The following VSTM4 variants were observed in gnomAD, a reference collection of about 807,000 sequenced individuals.
The protein encoded by VSTM4 is V-set and transmembrane domain-containing protein 4.
A neutral mutation model predicts 36.4 loss-of-function variants in VSTM4; 20 were observed. The observed-to-expected ratio is 0.55, with a 90% confidence interval of 0.39 to 0.80. VSTM4 has a LOEUF of 0.80. Among genes scored for constraint, VSTM4 ranks in the 30% least tolerant of loss-of-function variants. The pLI is 0.00. For missense variants in VSTM4, 392 were observed against 404.5 expected, an observed-to-expected ratio of 0.97 and a Z score of 0.26; for synonymous variants, 182 against 173.9, an observed-to-expected ratio of 1.05 and a Z score of -0.37.
intron 4 of VSTM4, among the ~76,000 whole-genome samples, chr10:49,075,207 T>A (rs1269607850): frequency 6.6e-6 from 1 of 152,246 alleles, no homozygotes; most frequent in Non-Finnish European, 1.5e-5. Flanking sequence ...CTTGCACATG[T>A]CCCAGTCTGC....
In VSTM4 at chr10:49,042,108, T is replaced by C. The variant is rs530376536; in HGVS notation, c.837+4875A>G. 2.6e-4 allele frequency among the ~76,000 whole-genome samples: 39 copies of C among 152,296 alleles called. No individual in the cohort carries two copies. The South Asian group carries it at 8.1e-3, about 32-fold the overall frequency. ...CAGATGTGCAGTGCTGCACACAGTC[T>C]AGAGGACAGTGAACTCAGCCTGTCT... On this transcript the variant is annotated intron_variant, in intron 7 of 7. Transcript: ENST00000332853.
At chr10:49,094,588 G>T (rs1193042947) in intron 2 of VSTM4, among the ~76,000 whole-genome samples, 1 of 152,216 alleles carries the variant, frequency 6.6e-6, no homozygotes, top group Non-Finnish European at 1.5e-5. Context: ...GGATGGTGAT[G>T]TGAAGTATGC....
intron 7 of VSTM4, among the ~76,000 whole-genome samples, chr10:49,044,990 A>G (rs1843584922): frequency 6.6e-6 from 1 of 152,218 alleles, no homozygotes; most frequent in African/African-American, 2.4e-5. Context: ...CACTGTTGTC[A>G]TAAATCAAAT....
chr10:49,046,631 T>C (rs958841527), intron 7 of VSTM4, among the ~76,000 whole-genome samples: 3 of 152,234 alleles, frequency 2.0e-5, no homozygotes, highest in Non-Finnish European at 4.4e-5. Context: ...TCAAAAGCTA[T>C]GACATATTTT....
At chr10:49,115,307 G>T in intron 1 of VSTM4, 124 bp downstream of exon 1, 1 of 629,636 alleles carries the variant, frequency 1.6e-6, no homozygotes, top group Non-Finnish European at 2.0e-6. Flanking sequence ...GACAGTGACA[G>T]CGCCGCCCCC....
At chr10:49,025,260 G>A (rs868302532) in intron 7 of VSTM4, among the ~76,000 whole-genome samples, 4 of 152,154 alleles carry the variant, frequency 2.6e-5, no homozygotes, top group African/African-American at 9.7e-5. Context: ...ATAAGTCAAG[G>A]TGAGGACAGA....
At chr10:49,079,934 T>C (rs1040139629) in intron 3 of VSTM4, among the ~76,000 whole-genome samples, 12 of 152,150 alleles carry the variant, frequency 7.9e-5, no homozygotes, top group African/African-American at 2.9e-4. Flanking sequence ...CTTTTTTCAA[T>C]TTCTCTCATT....
At chr10:49,071,856 G>T (rs901685415) in intron 4 of VSTM4, among the ~76,000 whole-genome samples, 1 of 152,174 alleles carries the variant, frequency 6.6e-6, no homozygotes, top group Non-Finnish European at 1.5e-5. Context: ...ATGTGGTCAG[G>T]ATGAGGGAAG....
intron 5 of VSTM4, 86 bp downstream of exon 5, chr10:49,064,617 A>C (rs1257815978): frequency 1.4e-6 from 2 of 1,469,548 alleles, no homozygotes; most frequent in African/African-American, 2.8e-5. Flanking sequence ...AGGTAAAACT[A>C]CAAATTTAAT....
chr10:49,055,161 G>A (rs1273495960), intron 5 of VSTM4, among the ~76,000 whole-genome samples: 2 of 152,226 alleles, frequency 1.3e-5, no homozygotes, highest in African/African-American at 2.4e-5. Flanking sequence ...AGTGCATGGA[G>A]CTAATGGAGC....
intron 2 of VSTM4, among the ~76,000 whole-genome samples, chr10:49,096,000 G>A (rs553170985): frequency 6.6e-6 from 1 of 152,304 alleles, no homozygotes; most frequent in Admixed American, 6.5e-5. Context: ...GTACGATGAA[G>A]AATTGTTTAA....
At position 49,048,529 on chromosome 10, in the gene VSTM4, C is replaced by G; in HGVS notation, c.724G>C (p.Gly242Arg). 2 of 1,599,184 alleles carry G rather than the reference C, an allele frequency of 1.3e-6. No homozygotes were observed. The highest frequency in any genetic ancestry group is 1.7e-6 in the Non-Finnish European group (2 of 1,174,366). ...TCAGGCTTCTCCTTCTGCCTCTTGC[C>G]CTTCTTGGGCTGTAGTGGGGCCAAG... The part of the protein sequence containing the change: ...TSLAPLQPKK[G>R]KRQKEKPDIP... The change falls in exon 6 of 8, where the codon GGC becomes CGC. Residue 242 changes from glycine (G) to arginine (R), a missense_variant. Transcript: ENST00000332853.
chr10:49,083,503 G>A (rs192817666), intron 3 of VSTM4, among the ~76,000 whole-genome samples: 97 of 152,304 alleles, frequency 6.4e-4, no homozygotes, highest in African/African-American at 2.2e-3. Flanking sequence ...AGCAAAGCAC[G>A]GAGACGCTGC....
At chr10:49,109,601 A>C (rs536260280) in intron 1 of VSTM4, among the ~76,000 whole-genome samples, 1 of 152,170 alleles carries the variant, frequency 6.6e-6, no homozygotes, top group South Asian at 2.1e-4. Flanking sequence ...CCCTTTTGTC[A>C]TATAACGTTC....
chr10:49,094,850 A>G (rs7097933), intron 2 of VSTM4, among the ~76,000 whole-genome samples: 68,707 of 151,970 alleles, frequency 0.45, 17,372 homozygotes, highest in African/African-American at 0.69. Context: ...GCTCTCAGGC[A>G]CTGGCCTATT....
chr10:49,017,177 G>C lies in VSTM4; in HGVS notation c.*2473C>G, dbSNP rs945579257. 13 of 152,204 alleles carry C rather than the reference G, an allele frequency of 8.5e-5. No individual in the cohort carries two copies. Among genetic ancestry groups the C allele is most frequent in the Non-Finnish European group, 1.3e-4 (9 of 68,032 alleles). 9.4% of individuals were successfully genotyped at this position (152,204 alleles called of 1,614,324 possible). A position where few individuals can be genotyped will look rare whatever the true frequency, so the allele number is the denominator to read the frequency against. The stretch of plus-strand genomic sequence containing the variant: ...GCATGATTAGTGGTCCATGGACAAA[G>C]AATGAATGAGTGGGCACATTTTTTT... On this transcript the variant is annotated 3_prime_UTR_variant, in exon 8 of 8. Coordinates refer to ENST00000332853, the MANE Select transcript of VSTM4 (RefSeq NM_001031746.5).
At position 49,083,643 on chromosome 10, in the gene VSTM4, TG is replaced by T. The variant is rs1844318854; in HGVS notation, c.526+2311del. ...TCTCTGTTGAGAAGAGAGCACATAC[TG>T]GGCTACAGATTTCATGTAGAGAGTT... On this transcript the variant is annotated intron_variant, in intron 3 of 7. Coordinates refer to ENST00000332853, the MANE Select transcript of VSTM4 (RefSeq NM_001031746.5). Among the ~76,000 whole-genome samples the T allele has an allele frequency of 2.0e-5, 3 of 152,202 alleles. No individual in the cohort carries two copies. In the South Asian group the frequency reaches 6.2e-4, roughly 32 times the overall value.
chr10:49,112,963 C>T (rs1844924514), intron 1 of VSTM4, among the ~76,000 whole-genome samples: 1 of 152,170 alleles, frequency 6.6e-6, no homozygotes, highest in South Asian at 2.1e-4. Flanking sequence ...GGGAGATGGC[C>T]ACTTCCAGGT....
intron 2 of VSTM4, among the ~76,000 whole-genome samples, chr10:49,100,405 A>G (rs767498706): frequency 1.3e-5 from 2 of 152,260 alleles, no homozygotes; most frequent in African/African-American, 4.8e-5. Context: ...GTTGCCAAAT[A>G]TAACTCAACA....
Sources: allele counts gnomAD v4.1 joint callset (sites outside exome capture counted in the v4.1 genomes callset), GRCh38; gene constraint gnomAD v4.1.1; transcripts MANE v1.5; gene names NCBI Gene and HGNC (gene_info 2026-07-23, HGNC 2026-07-21).